The following HNRNPH1 variants were observed in gnomAD, a reference collection of about 807,000 sequenced individuals.
HNRNPH1 encodes heterogeneous nuclear ribonucleoprotein H1.
Under a neutral mutation model 58.6 loss-of-function variants are expected in HNRNPH1, and 4 were observed. That is an observed-to-expected ratio of 0.07 (90% confidence interval 0.03 to 0.16). The LOEUF is 0.16. Ranked by LOEUF, HNRNPH1 falls within the 10% of genes least tolerant of loss-of-function variation. The pLI, the probability that HNRNPH1 is intolerant of heterozygous loss-of-function variation, is 1.00. For synonymous variants in HNRNPH1, 192 were observed against 189.2 expected (o/e 1.01, Z -0.12); for missense variants, 271 against 564.2 (o/e 0.48, Z 5.26).
chr5:179,632,981 C>A (rs1562375465), intron 2 of HNRNPH1, among the ~76,000 whole-genome samples: 1 of 151,224 alleles, frequency 6.6e-6, no homozygotes, highest in Non-Finnish European at 1.5e-5. Flanking sequence ...CCTCATTCTC[C>A]CCACTAGCTG....
At chr5:179,624,447 T>A (rs1774146307) in exon 1 of HNRNPH1, 1 of 398,250 alleles carries the variant, frequency 2.5e-6, no homozygotes, top group African/African-American at 2.1e-5. Flanking sequence ...TCGGCAGGCC[T>A]TGACTGCCCT....
intron 3 of HNRNPH1, chr5:179,619,671 A>C (rs1415023733): frequency 3.8e-6 from 1 of 262,994 alleles, no homozygotes; most frequent in African/African-American, 2.2e-5. Context: ...TCAACAACTT[A>C]AGAACACATA....
At position 179,615,611 on chromosome 5, in the gene HNRNPH1, G is replaced by C. The variant is rs566529388; in HGVS notation, c.1301-16C>G. On this transcript the variant is annotated splice_polypyrimidine_tract_variant and intron_variant, in intron 11 of 12. Coordinates refer to ENST00000356731, the Ensembl canonical transcript of HNRNPH1. ...AAAACTTGGTCTGCAAAAGGATTTTGTAGGGTAAGACTATAATACCAAAAT... is the reference window on the plus strand; with the variant it reads ...AAAACTTGGTCTGCAAAAGGATTTTCTAGGGTAAGACTATAATACCAAAAT... 6.7e-7 allele frequency: 1 copy of C among 1,482,166 alleles called. No individual in the cohort carries two copies. The highest frequency in any genetic ancestry group is 9.4e-7 in the Non-Finnish European group (1 of 1,064,280). The allele number at this position is 1,482,166 out of a possible 1,614,324, so 91.8% of individuals were successfully genotyped here.
chr5:179,633,640 CGCAGTG>C lies in HNRNPH1; in HGVS notation c.-32+419_-32+424del, dbSNP rs562975879. Among the ~76,000 whole-genome samples, 112 of 152,152 alleles carry C rather than the reference CGCAGTG, an allele frequency of 7.4e-4. 1 individual carries two copies. The highest frequency in any genetic ancestry group is 6.8e-3 in the Middle Eastern group (2 of 294). ...CCAAAAAATAAAATAAAAAGCCAGG[CGCAGTG>C]GCTCATGCCTGCAATATTAGCACTT... is the stretch of plus-strand genomic sequence containing the variant. On this transcript the variant is annotated intron_variant, in intron 2 of 4. Transcript: ENST00000521116.
At chr5:179,626,593 G>A (rs1355620943), upstream of HNRNPH1, among the ~76,000 whole-genome samples, 1 of 150,574 alleles carries the variant, frequency 6.6e-6, no homozygotes, top group Non-Finnish European at 1.5e-5. Context: ...TCGCGTGCCT[G>A]TAATCCCAGC....
chr5:179,619,001 AT>A lies in HNRNPH1; in HGVS notation c.536+267del, dbSNP rs915717551. ...TACAGCTAAAGCCAGGTTTGCATTAATTTTTTAAAGCCATAGTCTCTCAACT... is the reference window on the plus strand; with the variant it reads ...TACAGCTAAAGCCAGGTTTGCATTAATTTTTAAAGCCATAGTCTCTCAACT... On this transcript the variant is annotated intron_variant, in intron 4 of 12. Transcript: ENST00000356731. 1.6e-5 allele frequency: 4 copies of A among 247,082 alleles called. No homozygotes were observed. The Admixed American group carries it at 2.2e-4, about 14-fold the overall frequency. 15.3% of individuals were successfully genotyped at this position (247,082 alleles called of 1,614,324 possible).
At chr5:179,626,411 T>G (rs534302798), upstream of HNRNPH1, among the ~76,000 whole-genome samples, 1 of 151,752 alleles carries the variant, frequency 6.6e-6, no homozygotes, top group Non-Finnish European at 1.5e-5. Flanking sequence ...GGCCAAAGGT[T>G]TTTTTAAATA....
intron 11 of HNRNPH1, 32 bp downstream of exon 12, chr5:179,616,094 T>C: frequency 6.5e-7 from 1 of 1,542,164 alleles, no homozygotes; most frequent in Non-Finnish European, 9.0e-7. Context: ...TTACCATAAC[T>C]TACTCTAAGT....
At position 179,617,659 on chromosome 5, in the gene HNRNPH1, A is replaced by G; in HGVS notation, c.922-10T>C. On this transcript the variant is annotated splice_polypyrimidine_tract_variant and intron_variant, in intron 7 of 12. Transcript: ENST00000356731. ...TGAGCGGTGAAAAAAACTACAACAC[A>G]AGGCATTTCAAAGAATTCAACCAAC... 1.2e-6 allele frequency: 2 copies of G among 1,610,034 alleles called. No individual in the cohort carries two copies. Among genetic ancestry groups the G allele is most frequent in the Non-Finnish European group, 1.7e-6 (2 of 1,178,322 alleles).
In HNRNPH1 at chr5:179,617,790, C is replaced by T; in HGVS notation, c.921+9G>A. 1 of 1,613,468 alleles carries T rather than the reference C, an allele frequency of 6.2e-7. No individual in the cohort carries two copies. The highest frequency in any genetic ancestry group is 8.5e-7 in the Non-Finnish European group (1 of 1,179,528). On this transcript the variant is annotated intron_variant, in intron 7 of 12. Coordinates refer to ENST00000356731, the Ensembl canonical transcript of HNRNPH1. ...GAAATATTGACTTGTGAGTTCATCT[C>T]ACACTTACATTATAAATGTCATTCT...
intron 3 of HNRNPH1, 74 bp downstream of exon 4, chr5:179,620,818 C>G (rs2127670550): frequency 7.2e-7 from 1 of 1,388,846 alleles, no homozygotes. Context: ...AGCTACTCAA[C>G]TTTAACGTCT....
At chr5:179,619,200 C>T in intron 4 of HNRNPH1, 69 bp downstream of exon 5, 1 of 1,303,662 alleles carries the variant, frequency 7.7e-7, no homozygotes, top group Non-Finnish European at 1.1e-6. Flanking sequence ...TTCTTTTAAG[C>T]AGAGAGAATA....
At chr5:179,630,699 CAA>C (rs1482708226) in intron 2 of HNRNPH1, among the ~76,000 whole-genome samples, 2 of 152,020 alleles carry the variant, frequency 1.3e-5, no homozygotes, top group African/African-American at 4.8e-5. Context: ...ATCACAAGGT[CAA>C]GAGATTGAGA....
chr5:179,630,394 T>G (rs1465569690), intron 2 of HNRNPH1, among the ~76,000 whole-genome samples: 1 of 151,906 alleles, frequency 6.6e-6, no homozygotes, highest in South Asian at 2.1e-4. Context: ...AAAGAAAATA[T>G]GCAGATGATC....
intron 3 of HNRNPH1, 92 bp from the exon 5 acceptor site, chr5:179,619,499 A>C: frequency 8.5e-7 from 1 of 1,175,438 alleles, no homozygotes; most frequent in South Asian, 1.5e-5. Context: ...AATAAACCAG[A>C]ATTTTTAACT....
rs994236782 is a variant in HNRNPH1 at position 179,615,616 on chromosome 5, G to A, written c.1301-21C>T. 12 of 1,431,934 alleles carry A rather than the reference G, an allele frequency of 8.4e-6. No homozygotes were observed. In the Middle Eastern group the frequency reaches 7.6e-4, roughly 91 times the overall value. The allele number at this position is 1,431,934 out of a possible 1,614,324, so 88.7% of individuals were successfully genotyped here. A position where few individuals can be genotyped will look rare whatever the true frequency, so the allele number is the denominator to read the frequency against. On this transcript the variant is annotated intron_variant, in intron 11 of 12. Coordinates refer to ENST00000356731, the Ensembl canonical transcript of HNRNPH1. ...TTGGTCTGCAAAAGGATTTTGTAGG[G>A]TAAGACTATAATACCAAAATCACCA...
upstream of HNRNPH1, among the ~76,000 whole-genome samples, chr5:179,625,616 G>A (rs1158752186): frequency 1.4e-5 from 2 of 143,446 alleles, no homozygotes; most frequent in African/African-American, 2.6e-5. Flanking sequence ...CTGAGATCAC[G>A]CCATTGCACT....
intron 1 of HNRNPH1, among the ~76,000 whole-genome samples, chr5:179,622,528 T>C (rs1180108261): frequency 6.6e-6 from 1 of 151,956 alleles, no homozygotes; most frequent in Non-Finnish European, 1.5e-5. Context: ...CTGGCCAAAA[T>C]AGTGAAACCC....
chr5:179,615,041 A>T (rs1768835944), intron 12 of HNRNPH1, 82 bp from the exon 14 acceptor site: 1 of 890,628 alleles, frequency 1.1e-6, no homozygotes, highest in Non-Finnish European at 1.8e-6. Context: ...GAAAAAGTTT[A>T]AAAAGTATAC....
Sources: gnomAD v4.1 joint callset for allele counts (sites outside exome capture counted in the v4.1 genomes callset) on GRCh38, gnomAD v4.1.1 for gene constraint, MANE v1.5 for transcripts, NCBI Gene and HGNC (gene_info 2026-07-23, HGNC 2026-07-21) for gene names.